CSMD1: variants seen among roughly 807,000 people sequenced by gnomAD.
CSMD1 encodes the protein CUB and Sushi multiple domains 1.
CSMD1 carries 213 observed loss-of-function variants against 417.5 expected under a neutral mutation model. The observed-to-expected ratio is 0.51, with a 90% CI of 0.46 to 0.57. The LOEUF (loss-of-function observed/expected upper bound fraction) is 0.57, where lower values mean the gene tolerates loss of function less well. Among genes scored for constraint, CSMD1 ranks in the 20% least tolerant of loss-of-function variants. The pLI, the probability that CSMD1 is intolerant of heterozygous loss-of-function variation, is 0.00. For synonymous variants in CSMD1, 2,862 were observed against 1,736.8 expected (o/e 1.65, Z -16.11); for missense variants, 6,923 against 4,529.7 (o/e 1.53, Z -15.17).
At chr8:3,344,083 A>C (rs983498899) in intron 22 of CSMD1, among the ~76,000 whole-genome samples, 2 of 152,160 alleles carry the variant, frequency 1.3e-5, no homozygotes, top group African/African-American at 4.8e-5. Context: ...TTGTAAAACG[A>C]GAGTAGATGT....
chr8:4,776,733 G>A (rs1003687179), intron 1 of CSMD1, among the ~76,000 whole-genome samples: 5 of 151,948 alleles, frequency 3.3e-5, no homozygotes, highest in African/African-American at 7.3e-5. Flanking sequence ...GTAGCAAAGT[G>A]CCACATACTA....
At chr8:4,388,183 G>A (rs894413581) in intron 3 of CSMD1, among the ~76,000 whole-genome samples, 5 of 152,086 alleles carry the variant, frequency 3.3e-5, no homozygotes, top group African/African-American at 9.7e-5. Flanking sequence ...CTACCCAGAG[G>A]AAAAGAAGTC....
chr8:4,364,553 G>A lies in CSMD1; in HGVS notation c.415+55400C>T, dbSNP rs374661976. On this transcript the variant is annotated intron_variant, in intron 3 of 69. Coordinates refer to ENST00000635120, the MANE Select transcript of CSMD1 (RefSeq NM_033225.6). ...AAAAAGATAATCAATGGCCGGGCGCGGTGGCTCACGCCTGTAATCCCAGCA... is the reference window on the plus strand; with the variant it reads ...AAAAAGATAATCAATGGCCGGGCGCAGTGGCTCACGCCTGTAATCCCAGCA... Among the ~76,000 whole-genome samples the A allele has an allele frequency of 4.7e-3, 365 of 77,846 alleles. 143 individuals are homozygous for A. Among genetic ancestry groups the A allele is most frequent in the Middle Eastern group, 0.026 (4 of 156 alleles). 51.1% of individuals were successfully genotyped at this position (77,846 alleles called of 152,430 possible).
At chr8:4,913,522 A>G (rs1033108563) in intron 1 of CSMD1, among the ~76,000 whole-genome samples, 3 of 152,198 alleles carry the variant, frequency 2.0e-5, no homozygotes, top group African/African-American at 7.2e-5. Flanking sequence ...TTTTAAACAG[A>G]AGCCCTGCCC....
At chr8:4,729,776 G>A (rs1276881735) in intron 1 of CSMD1, among the ~76,000 whole-genome samples, 2 of 152,060 alleles carry the variant, frequency 1.3e-5, no homozygotes, top group Admixed American at 6.5e-5. Context: ...CTTAACACAT[G>A]GATCTATGTA....
intron 1 of CSMD1, among the ~76,000 whole-genome samples, chr8:4,932,161 C>T (rs1807291069): frequency 6.6e-6 from 1 of 152,110 alleles, no homozygotes; most frequent in Non-Finnish European, 1.5e-5. Context: ...TTGATTACAG[C>T]AATAGAGATA....
At chr8:3,778,556 G>A (rs1486532881) in intron 5 of CSMD1, among the ~76,000 whole-genome samples, 1 of 152,072 alleles carries the variant, frequency 6.6e-6, no homozygotes, top group East Asian at 1.9e-4. Context: ...TCTTGCCTGG[G>A]GTTTATTTTC....
At chr8:3,623,445 G>A (rs1003758731) in intron 7 of CSMD1, among the ~76,000 whole-genome samples, 2 of 152,178 alleles carry the variant, frequency 1.3e-5, no homozygotes, top group African/African-American at 4.8e-5. Context: ...ATCTATGACA[G>A]AGATTAGAAA....
In CSMD1 at chr8:3,096,207, C is replaced by A. The variant is rs75564368; in HGVS notation, c.7138+642G>T. On this transcript the variant is annotated intron_variant, in intron 47 of 69. Transcript: ENST00000635120. ...ATTTGGTACACTTTCAGGGTGTATTCCTAAGCATTCTAACTGTTTGAAAAG... is the reference window on the plus strand; with the variant it reads ...ATTTGGTACACTTTCAGGGTGTATTACTAAGCATTCTAACTGTTTGAAAAG... 8.1e-3 allele frequency among the ~76,000 whole-genome samples: 1,233 copies of A among 152,198 alleles called. 22 individuals carry two copies. The highest frequency in any genetic ancestry group is 0.027 in the African/African-American group (1,136 of 41,530).
At chr8:3,861,414 G>C (rs1310790449) in intron 5 of CSMD1, among the ~76,000 whole-genome samples, 1 of 152,164 alleles carries the variant, frequency 6.6e-6, no homozygotes, top group African/African-American at 2.4e-5. Context: ...AACCCTGATT[G>C]GTAAATTGCA....
intron 5 of CSMD1, among the ~76,000 whole-genome samples, chr8:3,781,828 C>A (rs756504930): frequency 1.3e-5 from 2 of 152,116 alleles, no homozygotes; most frequent in African/African-American, 2.4e-5. Flanking sequence ...TGATTTTGCT[C>A]TCTATACTTC....
rs894960492 is a variant in CSMD1, at chr8:2,988,771, C to T, written c.8377+9240G>A. 7.9e-5 allele frequency among the ~76,000 whole-genome samples: 12 copies of T among 152,176 alleles called. No individual in the cohort carries two copies. In the South Asian group the frequency reaches 1.0e-3, roughly 13 times the overall value. On this transcript the variant is annotated intron_variant, in intron 54 of 69. Transcript: ENST00000635120. ...AGTATAATGAATTTTCTTTAGTCTC[C>T]TAAATCTGAGTTTTCTAATTGATCA...
At chr8:4,388,351 C>G (rs980137821) in intron 3 of CSMD1, among the ~76,000 whole-genome samples, 7 of 149,180 alleles carry the variant, frequency 4.7e-5, no homozygotes, top group African/African-American at 1.7e-4. Flanking sequence ...CACACGAACA[C>G]ATGATGGACT....
chr8:3,688,402 T>A (rs565487486), intron 7 of CSMD1, among the ~76,000 whole-genome samples: 1 of 152,194 alleles, frequency 6.6e-6, no homozygotes, highest in Admixed American at 6.6e-5. Context: ...CAGAGGTGCT[T>A]TGAATTTAGA....
chr8:4,042,691 T>C (rs180767111), intron 3 of CSMD1, among the ~76,000 whole-genome samples: 2 of 151,598 alleles, frequency 1.3e-5, no homozygotes, highest in East Asian at 1.9e-4. Flanking sequence ...ATAATATATA[T>C]TTTAGGTTTC....
At chr8:4,482,298 A>C (rs960758131) in intron 2 of CSMD1, among the ~76,000 whole-genome samples, 2 of 152,116 alleles carry the variant, frequency 1.3e-5, no homozygotes, top group African/African-American at 4.8e-5. Context: ...CTGTGTGTCC[A>C]TGGGATCTCT....
At chr8:4,477,564 T>A (rs1045816612) in intron 2 of CSMD1, among the ~76,000 whole-genome samples, 1 of 152,080 alleles carries the variant, frequency 6.6e-6, no homozygotes, top group Non-Finnish European at 1.5e-5. Flanking sequence ...AATGTACATC[T>A]TTTTTTAAAA....
chr8:3,975,108 T>C (rs553710530), intron 5 of CSMD1, among the ~76,000 whole-genome samples: 1 of 152,216 alleles, frequency 6.6e-6, no homozygotes, highest in Admixed American at 6.5e-5. Context: ...TTTTAATAAC[T>C]TGAAAACCAC....
Position 3,991,135 on chromosome 8 carries a change from T to G in CSMD1, c.818+6768A>C, listed in dbSNP as rs1863474. On this transcript the variant is annotated intron_variant, in intron 5 of 69. Transcript: ENST00000635120. Reference sequence around the variant, plus strand: ...CGAGAGAAAAGGTAGAGACTGGAAATTGGCCCCACAGTAGACATTGTGGAG... The same window carrying G: ...CGAGAGAAAAGGTAGAGACTGGAAAGTGGCCCCACAGTAGACATTGTGGAG... Among the ~76,000 whole-genome samples, 239 of 152,206 alleles carry G rather than the reference T, an allele frequency of 1.6e-3. 1 individual carries two copies. The highest frequency in any genetic ancestry group is 5.5e-3 in the African/African-American group (229 of 41,520).
Sources: allele counts gnomAD v4.1 joint callset (sites outside exome capture counted in the v4.1 genomes callset), GRCh38; gene constraint gnomAD v4.1.1; transcripts MANE v1.5; gene names NCBI Gene and HGNC (gene_info 2026-07-23, HGNC 2026-07-21).